Variants in HTR7 observed in about 807,000 individuals in gnomAD.
HTR7 encodes the protein 5-hydroxytryptamine receptor 7, also known as 5-HT-7.
A neutral mutation model predicts 34.0 loss-of-function variants in HTR7; 16 were observed. The observed-to-expected ratio is 0.47, with a 90% CI of 0.32 to 0.71. HTR7 has a LOEUF of 0.71. Among genes scored for constraint, HTR7 ranks in the 30% least tolerant of loss-of-function variants. The probability of loss-of-function intolerance (pLI) is 0.04; values close to 1 mark genes in which losing one functional copy is unlikely to be tolerated. For synonymous variants in HTR7, 265 were observed against 260.2 expected (o/e 1.02, Z -0.18); for missense variants, 504 against 625.5 (o/e 0.81, Z 2.07).
At chr10:90,748,770 T>A in intron 2 of HTR7, 69 bp downstream of exon 2, 1 of 1,479,042 alleles carries the variant, frequency 6.8e-7, no homozygotes, top group East Asian at 2.3e-5. Flanking sequence ...AAGCTTTCTG[T>A]GATGTGCCTC....
chr10:90,795,576 A>C (rs1359933155), intron 1 of HTR7, among the ~76,000 whole-genome samples: 2 of 152,236 alleles, frequency 1.3e-5, no homozygotes, highest in African/African-American at 4.8e-5. Context: ...AGGAAGATTT[A>C]AAGAAAAATG....
intron 1 of HTR7, among the ~76,000 whole-genome samples, chr10:90,799,738 A>T (rs1845596387): frequency 6.6e-6 from 1 of 152,120 alleles, no homozygotes; most frequent in Non-Finnish European, 1.5e-5. Context: ...CCACCTTTCC[A>T]TCATCCACCC....
chr10:90,835,684 A>T (rs189774396), intron 1 of HTR7, among the ~76,000 whole-genome samples: 5 of 152,278 alleles, frequency 3.3e-5, no homozygotes, highest in African/African-American at 1.2e-4. Flanking sequence ...GTCCCAAAGG[A>T]CCTCAGCATT....
At chr10:90,808,444 G>A (rs1214006772) in intron 1 of HTR7, among the ~76,000 whole-genome samples, 1 of 152,116 alleles carries the variant, frequency 6.6e-6, no homozygotes, top group Non-Finnish European at 1.5e-5. Flanking sequence ...TCTGGGGGAG[G>A]GGCAAGTACC....
At chr10:90,788,374 A>G (rs1845414192) in intron 1 of HTR7, among the ~76,000 whole-genome samples, 1 of 152,234 alleles carries the variant, frequency 6.6e-6, no homozygotes, top group Admixed American at 6.5e-5. Flanking sequence ...TGGAAAATCC[A>G]TGATTATGGT....
chr10:90,761,074 T>C (rs533705767), intron 1 of HTR7, among the ~76,000 whole-genome samples: 40 of 152,280 alleles, frequency 2.6e-4, no homozygotes. Flanking sequence ...TTTTTATAAA[T>C]TTTTTAATCA....
intron 1 of HTR7, among the ~76,000 whole-genome samples, chr10:90,840,540 G>A (rs1302268761): frequency 6.6e-6 from 1 of 152,216 alleles, no homozygotes; most frequent in Non-Finnish European, 1.5e-5. Context: ...GGAATCCTGT[G>A]TGACACAGGC....
chr10:90,753,633 T>C (rs527873716), intron 1 of HTR7, among the ~76,000 whole-genome samples: 6 of 152,176 alleles, frequency 3.9e-5, no homozygotes, highest in Admixed American at 2.6e-4. Context: ...AAGAAGATAA[T>C]TGTACAAATG....
Position 90,857,740 on chromosome 10 carries a change from G to T in HTR7, c.-69C>A, listed in dbSNP as rs1482498992. 2.2e-5 allele frequency: 31 copies of T among 1,378,142 alleles called. No homozygotes were observed. In the Middle Eastern group the frequency reaches 7.9e-4, roughly 35 times the overall value. 85.4% of individuals were successfully genotyped at this position (1,378,142 alleles called of 1,614,324 possible). The stretch of plus-strand genomic sequence containing the variant: ...ACGCGCCTCCGGCTGCCGGCCCCGG[G>T]GCTTCACCTCACCGGTTCCGCTCCG... On this transcript the variant is annotated 5_prime_UTR_variant, in exon 1 of 4. Coordinates refer to ENST00000336152, the MANE Select transcript of HTR7 (RefSeq NM_019859.4). This position sits in a 1 kb window ranked among gnomAD's most constrained non-coding sequence, Gnocchi z 6.5.
intron 1 of HTR7, among the ~76,000 whole-genome samples, chr10:90,766,813 G>A (rs544325879): frequency 6.6e-6 from 1 of 152,302 alleles, no homozygotes; most frequent in Non-Finnish European, 1.5e-5. Flanking sequence ...AAACTCTACA[G>A]TCATCTCTTC....
chr10:90,831,016 T>C (rs1029762839), intron 1 of HTR7, among the ~76,000 whole-genome samples: 31 of 152,336 alleles, frequency 2.0e-4, no homozygotes, highest in African/African-American at 6.3e-4. Context: ...ACTTACTCTC[T>C]ATACCGTGGT....
chr10:90,772,127 A>C (rs1366694753), intron 1 of HTR7, among the ~76,000 whole-genome samples: 1 of 152,200 alleles, frequency 6.6e-6, no homozygotes, highest in African/African-American at 2.4e-5. Context: ...GACAGTAGTC[A>C]AATTTCTAAA....
At chr10:90,762,795 T>G (rs1381882765) in intron 1 of HTR7, among the ~76,000 whole-genome samples, 1 of 152,210 alleles carries the variant, frequency 6.6e-6, no homozygotes. Context: ...TTAAGCAATT[T>G]CAAGTTAATT....
rs541256432 is a variant in HTR7, at chr10:90,785,924, C to A, written c.540-36330G>T. Among the ~76,000 whole-genome samples, 6 of 152,302 alleles carry A rather than the reference C, an allele frequency of 3.9e-5. No homozygotes were observed. The South Asian group carries it at 1.0e-3, about 26-fold the overall frequency. The stretch of plus-strand genomic sequence containing the variant: ...AGCCATGGTACTGCCAGCTGAGCAA[C>A]CCGACCTGGGAATGTATCTGCCCCT... On this transcript the variant is annotated intron_variant, in intron 1 of 3. Coordinates refer to ENST00000336152, the MANE Select transcript of HTR7 (RefSeq NM_019859.4).
chr10:90,798,705 G>A (rs1163772470), intron 1 of HTR7, among the ~76,000 whole-genome samples: 2 of 152,118 alleles, frequency 1.3e-5, no homozygotes, highest in Non-Finnish European at 2.9e-5. Context: ...GAGTAAGACT[G>A]AAACTACCAC....
chr10:90,828,116 T>A (rs927584988), intron 1 of HTR7, among the ~76,000 whole-genome samples: 2 of 152,080 alleles, frequency 1.3e-5, no homozygotes, highest in African/African-American at 4.8e-5. Context: ...GAATGACCAG[T>A]TGTCAATGAA....
At chr10:90,788,078 T>C (rs115383538) in intron 1 of HTR7, among the ~76,000 whole-genome samples, 2,947 of 152,152 alleles carry the variant, frequency 0.019, 89 homozygotes, top group African/African-American at 0.059. Flanking sequence ...GCTGCAACAG[T>C]GGGTGTTAGC....
intron 1 of HTR7, among the ~76,000 whole-genome samples, chr10:90,803,604 G>T (rs189600299): frequency 1.6e-4 from 25 of 152,294 alleles, no homozygotes; most frequent in African/African-American, 5.5e-4. Context: ...CCTGAGTCTG[G>T]CTATGACCAA....
intron 1 of HTR7, among the ~76,000 whole-genome samples, chr10:90,839,411 T>A (rs886722910): frequency 6.6e-6 from 1 of 152,148 alleles, no homozygotes; most frequent in African/African-American, 2.4e-5. Context: ...GATAGCCCCT[T>A]TTTGGTAGAT....
Sources: gnomAD v4.1 joint callset for allele counts (sites outside exome capture counted in the v4.1 genomes callset) on GRCh38, gnomAD v4.1.1 for gene constraint, Gnocchi (gnomAD v3.1) non-coding constraint, MANE v1.5 for transcripts, NCBI Gene and HGNC (gene_info 2026-07-23, HGNC 2026-07-21) for gene names.